The following NSUN2 variants were observed in gnomAD, a reference collection of about 807,000 sequenced individuals.
NSUN2 encodes the protein RNA cytosine C(5)-methyltransferase NSUN2.
In NSUN2, 63 loss-of-function variants were observed where a neutral mutation model predicts 92.7. That is an observed-to-expected ratio of 0.68 (90% confidence interval 0.56 to 0.84). The LOEUF (loss-of-function observed/expected upper bound fraction) is 0.84, where lower values mean the gene tolerates loss of function less well. NSUN2 is among the 40% of genes least tolerant of loss of function. The pLI, the probability that NSUN2 is intolerant of heterozygous loss-of-function variation, is 0.00. For missense variants in NSUN2, 989 were observed against 964.9 expected (o/e 1.02, Z -0.33); for synonymous variants, 356 against 348.3 (o/e 1.02, Z -0.25).
chr5:6,602,671 A>G (rs1203380385), intron 17 of NSUN2, among the ~76,000 whole-genome samples, 171 bp from the exon 18 acceptor site: 1 of 152,264 alleles, frequency 6.6e-6, no homozygotes, highest in African/African-American at 2.4e-5. Context: ...GTCTGGATAC[A>G]TGAACCAAGT....
intron 3 of NSUN2, among the ~76,000 whole-genome samples, chr5:6,630,948 GC>G (rs1468566868): frequency 2.6e-5 from 4 of 152,056 alleles, no homozygotes; most frequent in African/African-American, 9.7e-5. Flanking sequence ...AAAAAAATTG[GC>G]CGGGCGTGGT....
At chr5:6,630,343 T>C (rs1228492285) in intron 3 of NSUN2, among the ~76,000 whole-genome samples, 1 of 152,194 alleles carries the variant, frequency 6.6e-6, no homozygotes, top group Non-Finnish European at 1.5e-5. Flanking sequence ...TCTCGCTCTG[T>C]GGCCCAGGCT....
intron 16 of NSUN2, 76 bp from the exon 17 acceptor site, chr5:6,604,352 T>C: frequency 7.4e-7 from 1 of 1,351,450 alleles, no homozygotes; most frequent in Non-Finnish European, 1.0e-6. Flanking sequence ...TCTCAGGGGC[T>C]ATGCTCTTAG....
rs752546665 is a variant in NSUN2 at position 6,600,001 on chromosome 5, G to A, written c.2229C>T (p.Ser743=). The A allele has an allele frequency of 3.1e-6, 5 of 1,614,112 alleles. No homozygotes were observed. In the Admixed American group the frequency reaches 5.0e-5, roughly 16 times the overall value. ...TEGQRAGEPN[S]PDAEEANSPD... The stretch of plus-strand genomic sequence containing the variant: ...GACTGTTGGCCTCTTCTGCATCTGG[G>A]CTGTTGGGCTCTCCTGCTCTCTGTC... The change falls in exon 19 of 19, where the codon AGC becomes AGT. Residue 743 remains serine (S), a synonymous_variant. Transcript: ENST00000264670.
intron 12 of NSUN2, among the ~76,000 whole-genome samples, chr5:6,607,981 T>C (rs2126477277): frequency 6.6e-6 from 1 of 152,042 alleles, no homozygotes; most frequent in East Asian, 1.9e-4. Context: ...AAAAAATACA[T>C]GTCCTTTTTA....
At chr5:6,615,884 C>A (rs552787345) in intron 9 of NSUN2, among the ~76,000 whole-genome samples, 12 of 152,334 alleles carry the variant, frequency 7.9e-5, no homozygotes, top group African/African-American at 2.6e-4. Flanking sequence ...TGTAGAAATA[C>A]ACTACTGTTT....
chr5:6,623,141 T>A, intron 5 of NSUN2, 73 bp downstream of exon 5: 1 of 1,319,036 alleles, frequency 7.6e-7, no homozygotes, highest in Non-Finnish European at 1.0e-6. Flanking sequence ...GAAAAAATGG[T>A]TTCATCAAAA....
intron 10 of NSUN2, 79 bp from the exon 11 acceptor site, chr5:6,611,164 C>T (rs1248080638): frequency 6.7e-7 from 1 of 1,489,396 alleles, no homozygotes; most frequent in Admixed American, 1.7e-5. Context: ...AGTATCCATT[C>T]TCTCAAAGGT....
At position 6,599,975 on chromosome 5, in the gene NSUN2, G is replaced by C; in HGVS notation, c.2255C>G (p.Pro752Arg). The C allele has an allele frequency of 1.2e-6, 2 of 1,614,166 alleles. No individual in the cohort carries two copies. Among genetic ancestry groups the C allele is most frequent in the Non-Finnish European group, 1.7e-6 (2 of 1,180,022 alleles). The part of the protein sequence containing the change: ...NSPDAEEANS[P>R]DVTAGCDPAG... ...CGGGTCACAGCCTGCTGTCACGTCT[G>C]GACTGTTGGCCTCTTCTGCATCTGG... is the stretch of plus-strand genomic sequence containing the variant. The change falls in exon 19 of 19, where the codon CCA becomes CGA. Residue 752 changes from proline (P) to arginine (R), a missense_variant. Pro to Arg is a moderately radical substitution (Grantham distance 103). Coordinates refer to ENST00000264670, the MANE Select transcript of NSUN2 (RefSeq NM_017755.6).
chr5:6,616,375 G>A (rs1423222804), intron 9 of NSUN2, among the ~76,000 whole-genome samples: 3 of 152,176 alleles, frequency 2.0e-5, no homozygotes, highest in Non-Finnish European at 4.4e-5. Context: ...CCTCAAGGAC[G>A]CTGCAGTAAG....
rs886060727 is a variant in NSUN2 at position 6,599,632 on chromosome 5, G to C, written c.*294C>G. The stretch of plus-strand genomic sequence containing the variant: ...GCAAGGGCAGTTTTGTTTCTTGATA[G>C]AAGTACAACTTTTGAAAGTCTATTC... On this transcript the variant is annotated 3_prime_UTR_variant, in exon 19 of 19. Transcript: ENST00000264670. 9.6e-5 allele frequency: 32 copies of C among 333,822 alleles called. No individual in the cohort carries two copies. Among genetic ancestry groups the C allele is most frequent in the African/African-American group, 4.8e-4 (23 of 47,534 alleles). 20.7% of individuals were successfully genotyped at this position (333,822 alleles called of 1,614,324 possible). A position where few individuals can be genotyped will look rare whatever the true frequency, so the allele number is the denominator to read the frequency against.
rs779117444 is a variant in NSUN2 at position 6,600,122 on chromosome 5, C to T, written c.2108G>A (p.Gly703Glu). The T allele has an allele frequency of 3.1e-6, 5 of 1,614,054 alleles. No individual in the cohort carries two copies. Among genetic ancestry groups the T allele is most frequent in the South Asian group, 1.1e-5 (1 of 91,088 alleles). The change falls in exon 19 of 19, where the codon GGG (glycine) becomes GAG (glutamate). Residue 703 changes from glycine to glutamate, a missense_variant. This residue lies in a region of NSUN2 where 626 missense variants were observed against 602.3 expected (regional missense o/e 1.04). Coordinates refer to ENST00000264670, the MANE Select transcript of NSUN2 (RefSeq NM_017755.6). ...CTTCTTTTCTCCCAATACCTCCAGC[C>T]CCATCATCCTGAGATAATGAAGCCG... is the stretch of plus-strand genomic sequence containing the variant. The part of the protein sequence containing the change: ...NERLHYLRMM[G>E]LEVLGEKKKE...
At position 6,609,853 on chromosome 5, in the gene NSUN2, T is replaced by C; in HGVS notation, c.1296A>G (p.Ser432=). The change falls in exon 12 of 19, where the codon TCA becomes TCG. Residue 432 remains serine, a synonymous_variant. Transcript: ENST00000264670. ...FFVAVLVKKS[S]MPWNKRQPKL... ...TTGGCTGACGTTTATTCCACGGCATTGAAGATTTTTTCACCAATACTGCCA... is the reference window on the plus strand; with the variant it reads ...TTGGCTGACGTTTATTCCACGGCATCGAAGATTTTTTCACCAATACTGCCA... 1 of 1,613,866 alleles carries C rather than the reference T, an allele frequency of 6.2e-7. No homozygotes were observed. The highest frequency in any genetic ancestry group is 8.5e-7 in the Non-Finnish European group (1 of 1,179,886).
chr5:6,630,286 A>G (rs1254275969), intron 3 of NSUN2, among the ~76,000 whole-genome samples: 1 of 152,154 alleles, frequency 6.6e-6, no homozygotes, highest in Non-Finnish European at 1.5e-5. Flanking sequence ...GCTTTTAAAA[A>G]TCTAAGATGT....
chr5:6,613,404 C>T (rs3756426), intron 9 of NSUN2, among the ~76,000 whole-genome samples: 25,608 of 152,166 alleles, frequency 0.17, 2,702 homozygotes, highest in East Asian at 0.43. Flanking sequence ...ACTGGCCAAA[C>T]GGTGCTGGCT....
At chr5:6,604,495 C>T in intron 16 of NSUN2, 110 bp downstream of exon 16, 1 of 1,073,662 alleles carries the variant, frequency 9.3e-7, no homozygotes, top group Non-Finnish European at 1.4e-6. Flanking sequence ...TGGTAGGTGC[C>T]AGCCAAGCCC....
At position 6,602,430 on chromosome 5, in the gene NSUN2, G is replaced by A. The variant is rs574488051; in HGVS notation, c.1997+31C>T. On this transcript the variant is annotated intron_variant, in intron 18 of 18. Coordinates refer to ENST00000264670, the MANE Select transcript of NSUN2 (RefSeq NM_017755.6). ...CACTGTAGCTAATGACAAGGCGTGT[G>A]TGTCTAAGGGCAGGGCGTGTACTGA... 6.8e-6 allele frequency: 11 copies of A among 1,605,874 alleles called. No homozygotes were observed. The East Asian group carries it at 1.6e-4, about 23-fold the overall frequency.
intron 16 of NSUN2, 115 bp downstream of exon 16, chr5:6,604,490 G>T (rs554190934): frequency 9.8e-7 from 1 of 1,020,124 alleles, no homozygotes; most frequent in Admixed American, 1.8e-5. Flanking sequence ...GTGGCTGGTA[G>T]GTGCCAGCCA....
intron 4 of NSUN2, among the ~76,000 whole-genome samples, chr5:6,625,209 T>C (rs1737608684): frequency 2.0e-5 from 3 of 152,200 alleles, no homozygotes; most frequent in Admixed American, 2.0e-4. Context: ...AAGATGGCCT[T>C]AAAAACATAC....
Sources: allele counts gnomAD v4.1 joint callset (sites outside exome capture counted in the v4.1 genomes callset), GRCh38; gene constraint gnomAD v4.1.1; regional missense constraint gnomAD v4.1.1; transcripts MANE v1.5; gene names NCBI Gene and HGNC (gene_info 2026-07-23, HGNC 2026-07-21).